ADGRV1: variants seen among roughly 807,000 people sequenced by gnomAD.
The protein encoded by ADGRV1 is adhesion G protein-coupled receptor V1, also known as G-protein coupled receptor 98.
Under a neutral mutation model 596.2 loss-of-function variants are expected in ADGRV1, and 359 were observed. The ratio of observed to expected loss-of-function variants is 0.60; its 90% confidence interval spans 0.55 to 0.66. ADGRV1 has a LOEUF of 0.66. Ranked by LOEUF, ADGRV1 falls within the 30% of genes least tolerant of loss-of-function variation. The pLI is 0.00. For missense variants in ADGRV1, 7,274 were observed against 7,575.6 expected, an observed-to-expected ratio of 0.96 and a Z score of 1.48; for synonymous variants, 2,681 against 2,679.2, an observed-to-expected ratio of 1.00 and a Z score of -0.02.
intron 85 of ADGRV1, among the ~76,000 whole-genome samples, chr5:91,016,346 C>T (rs937350608): frequency 6.6e-6 from 1 of 151,892 alleles, no homozygotes; most frequent in Non-Finnish European, 1.5e-5. Flanking sequence ...CACACTCTAG[C>T]CCCCATCCTA....
intron 29 of ADGRV1, among the ~76,000 whole-genome samples, chr5:90,688,094 C>A (rs1159625131): frequency 6.6e-6 from 1 of 152,092 alleles, no homozygotes; most frequent in Non-Finnish European, 1.5e-5. Context: ...CCGAGTCAAT[C>A]CTAAGCCAAA....
At position 90,562,069 on chromosome 5, in the gene ADGRV1, G is replaced by A. The variant is rs140202969; in HGVS notation, c.22+3152G>A. On this transcript the variant is annotated intron_variant, in intron 1 of 89. Coordinates refer to ENST00000405460, the MANE Select transcript of ADGRV1 (RefSeq NM_032119.4). ...GTTTTGGTGAACAGCCAGCCAGAGAGGTCTTTCTTCTCTTAACTCCTGTCG... is the reference window on the plus strand; with the variant it reads ...GTTTTGGTGAACAGCCAGCCAGAGAAGTCTTTCTTCTCTTAACTCCTGTCG... Among the ~76,000 whole-genome samples the A allele has an allele frequency of 9.5e-4, 144 of 152,210 alleles. 1 individual carries two copies. Among genetic ancestry groups the A allele is most frequent in the African/African-American group, 2.5e-3 (104 of 41,542 alleles).
At chr5:90,593,780 A>G (rs1759861872) in intron 1 of ADGRV1, among the ~76,000 whole-genome samples, 2 of 152,214 alleles carry the variant, frequency 1.3e-5, no homozygotes, top group Non-Finnish European at 2.9e-5. Context: ...ATCTTTTATC[A>G]TTAACTATGA....
At chr5:90,716,835 C>T in intron 43 of ADGRV1, 106 bp downstream of exon 43, 1 of 775,884 alleles carries the variant, frequency 1.3e-6, no homozygotes, top group Non-Finnish European at 2.0e-6. Context: ...ACAATACTTC[C>T]AGCTTAGGTG....
At position 90,956,130 on chromosome 5, in the gene ADGRV1, TA is replaced by T. The variant is rs1777457657; in HGVS notation, c.17857-9283del. Among the ~76,000 whole-genome samples, 12 of 152,272 alleles carry T rather than the reference TA, an allele frequency of 7.9e-5. No homozygotes were observed. The South Asian group carries it at 2.5e-3, about 32-fold the overall frequency. On this transcript the variant is annotated intron_variant, in intron 83 of 89. Coordinates refer to ENST00000405460, the MANE Select transcript of ADGRV1 (RefSeq NM_032119.4). ...GCTTATCTAAGTCCAAGGAATTCCA[TA>T]AGAAAGTTGAATCAAAATATTTTCA...
intron 85 of ADGRV1, among the ~76,000 whole-genome samples, chr5:91,009,693 C>T (rs1255869634): frequency 1.1e-4 from 17 of 151,508 alleles, no homozygotes; most frequent in Non-Finnish European, 2.2e-4. Context: ...TTCTATTTTG[C>T]AGTAGCTAAA....
At chr5:90,645,923 A>G (rs755307185) in intron 15 of ADGRV1, 45 bp from the exon 16 acceptor site, 16 of 1,450,780 alleles carry the variant, frequency 1.1e-5, no homozygotes, top group Non-Finnish European at 1.5e-5. Flanking sequence ...GATGTAATTT[A>G]TATGTATAAG....
chr5:90,700,245 G>C (rs973805037), intron 34 of ADGRV1, among the ~76,000 whole-genome samples: 1 of 152,188 alleles, frequency 6.6e-6, no homozygotes, highest in Admixed American at 6.6e-5. Flanking sequence ...ATTGTGCCAT[G>C]TGAGCTTTTA....
chr5:91,085,132 G>A (rs1475460268), intron 86 of ADGRV1, among the ~76,000 whole-genome samples: 3 of 152,186 alleles, frequency 2.0e-5, no homozygotes, highest in Admixed American at 1.3e-4. Flanking sequence ...TAATGTAAAT[G>A]ATGAGTTGAT....
At chr5:91,038,434 C>T (rs114680375) in intron 85 of ADGRV1, among the ~76,000 whole-genome samples, 205 of 152,306 alleles carry the variant, frequency 1.3e-3, no homozygotes, top group African/African-American at 4.9e-3. Context: ...GAGCTTGTTG[C>T]TACAAGCCCA....
chr5:91,004,072 A>G (rs142633319), intron 85 of ADGRV1, among the ~76,000 whole-genome samples: 169 of 152,286 alleles, frequency 1.1e-3, no homozygotes, highest in Middle Eastern at 3.4e-3. Flanking sequence ...ACAGTATTAG[A>G]AAAAGGAAAG....
Position 90,635,157 on chromosome 5 carries a change from C to G in ADGRV1, c.1883C>G (p.Pro628Arg). 1.9e-6 allele frequency: 3 copies of G among 1,608,482 alleles called. No individual in the cohort carries two copies. Among genetic ancestry groups the G allele is most frequent in the Middle Eastern group, 1.7e-4 (1 of 6,044 alleles). ...TTAAACATAATTCCTCTAATCCCACCCATAAGCCCTAGATTTGGGGAAATC... is the reference window on the plus strand; with the variant it reads ...TTAAACATAATTCCTCTAATCCCACGCATAAGCCCTAGATTTGGGGAAATC... ...ELLNIIPLIPPISPRFGEICN... is the reference protein window; with the variant it reads ...ELLNIIPLIPRISPRFGEICN... The change falls in exon 10 of 90, where the codon CCC becomes CGC. Residue 628 changes from proline (P) to arginine (R), a missense_variant. Physicochemically the swap from Pro to Arg is moderately radical, Grantham distance 103 (BLOSUM62 -2). This residue lies in a region of ADGRV1 where 1,715 missense variants were observed against 1,708.8 expected (regional missense o/e 1.00). Transcript: ENST00000405460.
chr5:90,744,625 T>A (rs1754402222), intron 50 of ADGRV1, among the ~76,000 whole-genome samples: 1 of 152,164 alleles, frequency 6.6e-6, no homozygotes, highest in South Asian at 2.1e-4. Flanking sequence ...TTTTTTGTAT[T>A]TATACTGTTT....
chr5:90,622,543 C>T lies in ADGRV1; in HGVS notation c.454-54C>T, dbSNP rs1764223958. 7 of 760,650 alleles carry T rather than the reference C, an allele frequency of 9.2e-6. No homozygotes were observed. The South Asian group carries it at 1.2e-4, about 13-fold the overall frequency. 47.1% of individuals were successfully genotyped at this position (760,650 alleles called of 1,614,324 possible). A position where few individuals can be genotyped will look rare whatever the true frequency, so the allele number is the denominator to read the frequency against. Reference sequence around the variant, plus strand: ...TTTCTGAGGTAATAGTTTTTACCGCCTCATACCTCTGATTGCTCAGCTCCT... The same window carrying T: ...TTTCTGAGGTAATAGTTTTTACCGCTTCATACCTCTGATTGCTCAGCTCCT... On this transcript the variant is annotated intron_variant, in intron 4 of 89. Transcript: ENST00000405460.
At position 90,629,368 on chromosome 5, in the gene ADGRV1, TG is replaced by T. The variant is rs771161069; in HGVS notation, c.1669del (p.Val557TyrfsTer19). The T allele has an allele frequency of 6.2e-7, 1 of 1,613,762 alleles. No homozygotes were observed. Among genetic ancestry groups the T allele is most frequent in the South Asian group, 1.1e-5 (1 of 91,062 alleles). Reference sequence around the variant, plus strand: ...AAGGAGATGTGAGGTTGCTTTATTCTGTACTTTACATTCCTGCTGGAGCTGT... The same window carrying T: ...AAGGAGATGTGAGGTTGCTTTATTCTTACTTTACATTCCTGCTGGAGCTGT... ...TKGDVRLLYS[V>X]LYIPAGAVDP... On this transcript the variant is annotated frameshift_variant, in exon 9 of 90. Coordinates refer to ENST00000405460, the MANE Select transcript of ADGRV1 (RefSeq NM_032119.4). LOFTEE classifies it high-confidence loss of function.
chr5:91,112,342 T>C (rs190349531), intron 87 of ADGRV1, among the ~76,000 whole-genome samples: 77 of 152,362 alleles, frequency 5.1e-4, no homozygotes, highest in Admixed American at 3.9e-3. Context: ...GTTTTTTTCC[T>C]GTGATTTTTC....
At chr5:90,753,316 CA>C (rs1314488961) in intron 53 of ADGRV1, among the ~76,000 whole-genome samples, 1 of 151,750 alleles carries the variant, frequency 6.6e-6, no homozygotes, top group African/African-American at 2.4e-5. Flanking sequence ...GAATGGAATT[CA>C]GTCTCCAGTA....
chr5:90,639,975 C>G (rs1260721544), intron 11 of ADGRV1, among the ~76,000 whole-genome samples: 1 of 152,128 alleles, frequency 6.6e-6, no homozygotes, highest in African/African-American at 2.4e-5. Flanking sequence ...TATATTTCAA[C>G]TCAATATAGA....
In ADGRV1 at chr5:90,720,154, A is replaced by C. The variant is rs749167665; in HGVS notation, c.9554A>C (p.Gln3185Pro). Residue 3185 changes from glutamine to proline, a missense_variant, in exon 44 of 90, where the codon CAA (glutamine) becomes CCA (proline). Around this residue, in one of 5 missense-constraint regions of ADGRV1, gnomAD observed 3,643 missense variants for 3,809.2 expected, o/e 0.96. Transcript: ENST00000405460. The part of the protein sequence containing the change: ...TGGARLGVHV[Q>P]TLITVLQNQA... ...GGTGCTAGACTAGGGGTGCATGTTCAAACCCTGATAACAGTTTTGCAAAAC... is the reference window on the plus strand; with the variant it reads ...GGTGCTAGACTAGGGGTGCATGTTCCAACCCTGATAACAGTTTTGCAAAAC... 1 of 1,612,306 alleles carries C rather than the reference A, an allele frequency of 6.2e-7. No homozygotes were observed. Among genetic ancestry groups the C allele is most frequent in the Admixed American group, 1.7e-5 (1 of 59,848 alleles).
Sources: allele counts gnomAD v4.1 joint callset (sites outside exome capture counted in the v4.1 genomes callset), GRCh38; gene constraint gnomAD v4.1.1; regional missense constraint gnomAD v4.1.1; transcripts MANE v1.5; gene names NCBI Gene and HGNC (gene_info 2026-07-23, HGNC 2026-07-21).